ANKS1B: variants seen among roughly 807,000 people sequenced by gnomAD.
The protein encoded by ANKS1B is ankyrin repeat and sterile alpha motif domain containing 1B, also known as ankyrin repeat and sterile alpha motif domain-containing protein 1B.
A neutral mutation model predicts 148.3 loss-of-function variants in ANKS1B; 36 were observed. That is an observed-to-expected ratio of 0.24 (90% CI 0.19 to 0.32). ANKS1B has a LOEUF of 0.32. Among genes scored for constraint, ANKS1B ranks in the 10% least tolerant of loss-of-function variants. ANKS1B has a pLI of 1.00. For missense variants in ANKS1B, 1,157 were observed against 1,542.6 expected, an observed-to-expected ratio of 0.75 and a Z score of 4.19; for synonymous variants, 542 against 560.8, an observed-to-expected ratio of 0.97 and a Z score of 0.47.
chr12:99,165,838 T>C (rs143531020), intron 14 of ANKS1B, among the ~76,000 whole-genome samples: 1 of 151,980 alleles, frequency 6.6e-6, no homozygotes, highest in Non-Finnish European at 1.5e-5. Context: ...AAGAAAACTA[T>C]ATGTATTAGT....
intron 17 of ANKS1B, chr12:99,048,727 GTATT>G (rs1480288126): frequency 6.6e-6 from 1 of 152,572 alleles, no homozygotes; most frequent in Non-Finnish European, 1.5e-5. Flanking sequence ...TGTTAAGTGT[GTATT>G]TATTTGGGAG....
intron 1 of ANKS1B, among the ~76,000 whole-genome samples, chr12:99,967,740 C>T (rs2153835897): frequency 6.6e-6 from 1 of 151,864 alleles, no homozygotes; most frequent in East Asian, 1.9e-4. Flanking sequence ...AACGCCGTCT[C>T]TACTAAAAAT....
intron 9 of ANKS1B, among the ~76,000 whole-genome samples, chr12:99,506,295 A>G (rs1308747011): frequency 6.6e-6 from 1 of 152,054 alleles, no homozygotes; most frequent in Admixed American, 6.6e-5. Flanking sequence ...TCTAGGGCTG[A>G]TAAAGATTTA....
intron 15 of ANKS1B, chr12:99,097,227 T>C (rs1338630100): frequency 6.6e-6 from 1 of 152,194 alleles, no homozygotes; most frequent in Non-Finnish European, 1.5e-5. Context: ...AATTCTAATA[T>C]GCAGGATGCC....
At chr12:99,698,400 T>G (rs2054257109) in intron 8 of ANKS1B, among the ~76,000 whole-genome samples, 1 of 152,144 alleles carries the variant, frequency 6.6e-6, no homozygotes, top group Non-Finnish European at 1.5e-5. Context: ...TGTGTCCGTG[T>G]GTGCATGTGT....
chr12:99,187,361 A>G (rs983182531), intron 14 of ANKS1B, among the ~76,000 whole-genome samples: 3 of 152,122 alleles, frequency 2.0e-5, no homozygotes, highest in African/African-American at 4.8e-5. Flanking sequence ...CTCCTTCATG[A>G]GAAGAACAAC....
intron 9 of ANKS1B, among the ~76,000 whole-genome samples, chr12:99,593,563 C>T (rs921755702): frequency 1.3e-5 from 2 of 152,028 alleles, no homozygotes; most frequent in Admixed American, 6.6e-5. Context: ...CATCCGAATA[C>T]TGGATATCAA....
chr12:99,465,659 C>T (rs982432873), intron 10 of ANKS1B, among the ~76,000 whole-genome samples: 4 of 152,134 alleles, frequency 2.6e-5, no homozygotes, highest in Admixed American at 2.0e-4. Context: ...TCTGATAAAA[C>T]AGACTTTAAA....
chr12:99,551,389 T>C (rs1264784489), intron 9 of ANKS1B, among the ~76,000 whole-genome samples: 1 of 152,076 alleles, frequency 6.6e-6, no homozygotes, highest in Non-Finnish European at 1.5e-5. Context: ...TTTCTAACTG[T>C]CTCCATCAAA....
At chr12:99,853,597 G>A (rs913243650) in intron 1 of ANKS1B, among the ~76,000 whole-genome samples, 6 of 152,126 alleles carry the variant, frequency 3.9e-5, no homozygotes, top group African/African-American at 1.4e-4. Context: ...GCCCCTTAGT[G>A]TCCCAGATCC....
At chr12:99,275,440 A>C (rs2077558346) in intron 12 of ANKS1B, among the ~76,000 whole-genome samples, 1 of 152,186 alleles carries the variant, frequency 6.6e-6, no homozygotes, top group Non-Finnish European at 1.5e-5. Context: ...AGAACATGCA[A>C]AGTTTGTCTT....
At chr12:99,935,876 G>C (rs979605142) in intron 1 of ANKS1B, among the ~76,000 whole-genome samples, 5 of 125,714 alleles carry the variant, frequency 4.0e-5, no homozygotes, top group African/African-American at 1.6e-4. Context: ...ATTGCTATAA[G>C]GAAATACCTG....
At chr12:98,976,693 C>T (rs2099896828) in intron 17 of ANKS1B, 1 of 152,014 alleles carries the variant, frequency 6.6e-6, no homozygotes, top group South Asian at 2.1e-4. Flanking sequence ...TATGTAAGTG[C>T]CATAAAATTT....
At chr12:99,211,936 C>T (rs946432459) in intron 14 of ANKS1B, among the ~76,000 whole-genome samples, 1 of 152,194 alleles carries the variant, frequency 6.6e-6, no homozygotes, top group African/African-American at 2.4e-5. Flanking sequence ...CCCCAGCGCA[C>T]ATCTTCCTAA....
intron 9 of ANKS1B, among the ~76,000 whole-genome samples, chr12:99,552,613 G>T (rs2097232500): frequency 6.6e-6 from 1 of 152,118 alleles, no homozygotes; most frequent in African/African-American, 2.4e-5. Flanking sequence ...TTATATTATG[G>T]CTGGGAATTA....
chr12:98,829,713 G>C lies in ANKS1B; in HGVS notation c.2887-360C>G, dbSNP rs1269259067. On this transcript the variant is annotated intron_variant, in intron 18 of 26. Coordinates refer to ENST00000683438, the MANE Select transcript of ANKS1B (RefSeq NM_001352186.2). This position sits in a 1 kb window ranked among gnomAD's most constrained non-coding sequence, Gnocchi z 5.2. The stretch of plus-strand genomic sequence containing the variant: ...TGGGCAGAGCGTCCTCACCATGGTA[G>C]ATGCCATGATGAGAAAGCTAAAATG... Among the ~76,000 whole-genome samples the C allele has an allele frequency of 6.6e-6, 1 of 152,214 alleles. No individual in the cohort carries two copies. The highest frequency in any genetic ancestry group is 1.5e-5 in the Non-Finnish European group (1 of 68,042).
intron 17 of ANKS1B, chr12:98,894,892 C>T: frequency 6.2e-6 from 6 of 968,598 alleles, no homozygotes; most frequent in Non-Finnish European, 6.1e-6. Flanking sequence ...GCGCGCGCCC[C>T]CCACTGCCCC....
At chr12:99,052,263 CAT>C (rs922721565) in intron 17 of ANKS1B, among the ~76,000 whole-genome samples, 52 of 152,182 alleles carry the variant, frequency 3.4e-4, no homozygotes, top group African/African-American at 1.2e-3. Context: ...TATTTGGCAA[CAT>C]ATGTTGGCCA....
At chr12:98,890,426 T>C (rs2099749963) in intron 17 of ANKS1B, among the ~76,000 whole-genome samples, 2 of 152,148 alleles carry the variant, frequency 1.3e-5, no homozygotes, top group South Asian at 4.1e-4. Context: ...AAAATATATA[T>C]ATTAAGAGCC....
Sources: allele counts gnomAD v4.1 joint callset (sites outside exome capture counted in the v4.1 genomes callset), GRCh38; gene constraint gnomAD v4.1.1; non-coding constraint Gnocchi (gnomAD v3.1); transcripts MANE v1.5; gene names NCBI Gene and HGNC (gene_info 2026-07-23, HGNC 2026-07-21).